The following UBFD1 variants were observed in gnomAD, a reference collection of about 807,000 sequenced individuals.
UBFD1 encodes the protein ubiquitin domain-containing protein UBFD1.
In UBFD1, 12 loss-of-function variants were observed where a neutral mutation model predicts 35.1. That is an observed-to-expected ratio of 0.34 (90% CI 0.22 to 0.55). The LOEUF is 0.55. Ranked by LOEUF, UBFD1 falls within the 20% of genes least tolerant of loss-of-function variation. The pLI, the probability that UBFD1 is intolerant of heterozygous loss-of-function variation, is 0.89. For missense variants in UBFD1, 337 were observed against 410.8 expected (o/e 0.82, Z 1.55); for synonymous variants, 178 against 167.6 (o/e 1.06, Z -0.48).
chr16:23,560,482 A>C (rs1965915433), intron 3 of UBFD1, among the ~76,000 whole-genome samples: 1 of 152,208 alleles, frequency 6.6e-6, no homozygotes, highest in South Asian at 2.1e-4. Context: ...AACTTCAATC[A>C]ACATCATTTA....
chr16:23,560,879 T>A (rs779220837), intron 3 of UBFD1, among the ~76,000 whole-genome samples: 6 of 152,240 alleles, frequency 3.9e-5, no homozygotes, highest in African/African-American at 7.2e-5. Context: ...ATTGAGTTTC[T>A]TCTCATATTC....
At chr16:23,570,264 C>T (rs1406301870) in intron 6 of UBFD1, among the ~76,000 whole-genome samples, 1 of 152,180 alleles carries the variant, frequency 6.6e-6, no homozygotes, top group Admixed American at 6.5e-5. Flanking sequence ...GATGACCACT[C>T]AGGTTTGAGA....
Position 23,573,737 on chromosome 16 carries a change from G to C in UBFD1, c.*3147G>C, listed in dbSNP as rs1431703110. 2 of 152,658 alleles carry C rather than the reference G, an allele frequency of 1.3e-5. No individual in the cohort carries two copies. The highest frequency in any genetic ancestry group is 4.8e-5 in the African/African-American group (2 of 41,450). 9.5% of individuals were successfully genotyped at this position (152,658 alleles called of 1,614,324 possible). A position where few individuals can be genotyped will look rare whatever the true frequency, so the allele number is the denominator to read the frequency against. ...AGTTGCCATATTTCACCCAGAAGGG[G>C]CTTGTTTTCCTCTTACTCTTACTTT... On this transcript the variant is annotated 3_prime_UTR_variant, in exon 7 of 7. Transcript: ENST00000395878.
At chr16:23,569,856 A>G (rs569904153) in intron 6 of UBFD1, among the ~76,000 whole-genome samples, 1 of 152,286 alleles carries the variant, frequency 6.6e-6, no homozygotes, top group South Asian at 2.1e-4. Context: ...GTATTGTTCT[A>G]CAACTTGCTT....
chr16:23,564,994 G>C (rs904298937), intron 5 of UBFD1: 1 of 152,188 alleles, frequency 6.6e-6, no homozygotes, highest in Non-Finnish European at 1.5e-5. Flanking sequence ...GACTACTCAT[G>C]TTTTCTAGGG....
At chr16:23,560,466 T>A (rs899997585) in intron 3 of UBFD1, among the ~76,000 whole-genome samples, 37 of 152,196 alleles carry the variant, frequency 2.4e-4, no homozygotes, top group African/African-American at 8.9e-4. Flanking sequence ...TGAAGTAGAG[T>A]AGATAAACTT....
chr16:23,562,674 G>A lies in UBFD1; in HGVS notation c.680G>A (p.Gly227Glu). 1.2e-6 allele frequency: 2 copies of A among 1,614,154 alleles called. No homozygotes were observed. Among genetic ancestry groups the A allele is most frequent in the African/African-American group, 1.3e-5 (1 of 75,038 alleles). The change falls in exon 5 of 7, where the codon GGA becomes GAA. Residue 227 changes from glycine (G) to glutamate (E), a missense_variant. This residue lies in a region of UBFD1 where 71 missense variants were observed against 149.6 expected (regional missense o/e 0.47). Transcript: ENST00000395878. ...TCCGGCATGTACAATAAATCTGGAG[G>A]AAAAGTGAGACTCACCTTTAAACTA... ...PLSGMYNKSGGKVRLTFKLEQ... is the reference protein window; with the variant it reads ...PLSGMYNKSGEKVRLTFKLEQ...
chr16:23,563,539 C>A (rs1965969000), intron 5 of UBFD1, among the ~76,000 whole-genome samples: 1 of 152,208 alleles, frequency 6.6e-6, no homozygotes, highest in African/African-American at 2.4e-5. Context: ...CATCTTTAAA[C>A]TTGGTCTGTT....
chr16:23,564,794 T>A (rs945923649), intron 5 of UBFD1: 8 of 152,200 alleles, frequency 5.3e-5, no homozygotes, highest in Non-Finnish European at 1.2e-4. Flanking sequence ...AGGGAACACA[T>A]CATAACTGCA....
At chr16:23,567,770 G>C (rs532979806) in intron 6 of UBFD1, among the ~76,000 whole-genome samples, 2 of 152,388 alleles carry the variant, frequency 1.3e-5, no homozygotes, top group Admixed American at 6.5e-5. Flanking sequence ...CCCATCAGGG[G>C]CCTGGCCTGA....
chr16:23,572,741 T>C lies in UBFD1; in HGVS notation c.*2151T>C, dbSNP rs1441912841. The C allele has an allele frequency of 6.5e-6, 1 of 153,562 alleles. No individual in the cohort carries two copies. The highest frequency in any genetic ancestry group is 2.4e-5 in the African/African-American group (1 of 41,474). 9.5% of individuals were successfully genotyped at this position (153,562 alleles called of 1,614,324 possible). ...GAGGACCAAAGCCTGCGTGAGCCTTTTTATTTTCAGTAAAATGGTGCTTTT... is the reference window on the plus strand; with the variant it reads ...GAGGACCAAAGCCTGCGTGAGCCTTCTTATTTTCAGTAAAATGGTGCTTTT... On this transcript the variant is annotated 3_prime_UTR_variant, in exon 7 of 7. Transcript: ENST00000395878.
Position 23,557,984 on chromosome 16 carries a change from G to A in UBFD1, c.60G>A (p.Glu20=). ...AACCTGGCATGGACACGGAGGCCGA[G>A]ACTGTGGCTACTGAGGCTCCCGCGC... The part of the protein sequence containing the change: ...MEEPGMDTEA[E]TVATEAPARP... Residue 20 remains glutamate, a synonymous_variant, in exon 2 of 7, where the codon GAG becomes GAA. Coordinates refer to ENST00000395878, the MANE Select transcript of UBFD1 (RefSeq NM_019116.3). 6 of 1,373,006 alleles carry A rather than the reference G, an allele frequency of 4.4e-6. No homozygotes were observed. The highest frequency in any genetic ancestry group is 4.7e-6 in the Non-Finnish European group (5 of 1,066,448). 85.1% of individuals were successfully genotyped at this position (1,373,006 alleles called of 1,614,324 possible).
intron 1 of UBFD1, 29 bp from the exon 2 acceptor site, chr16:23,557,921 C>T (rs1965841230): frequency 2.3e-6 from 3 of 1,298,468 alleles, no homozygotes; most frequent in African/African-American, 1.5e-5. Flanking sequence ...CAGCCCGCGG[C>T]GAGCGCCCAC....
intron 6 of UBFD1, chr16:23,568,817 C>CT (rs1230717936): frequency 6.6e-6 from 1 of 151,782 alleles, no homozygotes; most frequent in Non-Finnish European, 1.5e-5. Context: ...GACAGAGACT[C>CT]TGTCTCAAAA....
chr16:23,563,735 C>T (rs1597040932), intron 5 of UBFD1, among the ~76,000 whole-genome samples: 1 of 152,224 alleles, frequency 6.6e-6, no homozygotes, highest in African/African-American at 2.4e-5. Context: ...TTGGTTCCAG[C>T]TTCTGGCCCG....
In UBFD1 at chr16:23,557,750, C is replaced by G. The variant is rs1378818501; in HGVS notation, c.8C>G (p.Ala3Gly). The G allele has an allele frequency of 7.6e-7, 1 of 1,309,114 alleles. No homozygotes were observed. Among genetic ancestry groups the G allele is most frequent in the Non-Finnish European group, 9.7e-7 (1 of 1,028,266 alleles). 81.1% of individuals were successfully genotyped at this position (1,309,114 alleles called of 1,614,324 possible). ...GTGTTGTACACAATCATCATGGCGG[C>G]GGCCGGGGCCCCGGATGGTGAGTGC... MA[A>G]AGAPDGMEEP... is the part of the protein sequence containing the mutation. The change falls in exon 1 of 7, where the codon GCG (alanine) becomes GGG (glycine). Residue 3 changes from alanine to glycine, a missense_variant. This residue lies in a region of UBFD1 where 198 missense variants were observed against 168.4 expected (regional missense o/e 1.18). Transcript: ENST00000395878.
rs1269998661 is a variant in UBFD1 at position 23,559,502 on chromosome 16, G to A, written c.390G>A (p.Lys130=). 3 of 1,613,886 alleles carry A rather than the reference G, an allele frequency of 1.9e-6. No homozygotes were observed. Residue 130 remains lysine (K), a synonymous_variant, in exon 3 of 7, where the codon AAG becomes AAA. Coordinates refer to ENST00000395878, the MANE Select transcript of UBFD1 (RefSeq NM_019116.3). ...LPPAMQKVMY[K]GLVPEDKTLR... ...CTGCCATGCAGAAAGTCATGTATAA[G>A]GGACTCGTCCCCGAGGATAAAACAT...
At position 23,557,932 on chromosome 16, in the gene UBFD1, C is replaced by T; in HGVS notation, c.26-18C>T. On this transcript the variant is annotated intron_variant, in intron 1 of 6. Coordinates refer to ENST00000395878, the MANE Select transcript of UBFD1 (RefSeq NM_019116.3). ...AGCCCAGCCCGCGGCGAGCGCCCAC[C>T]CCCTAACCCCCTTGCAGGCATGGAG... is the stretch of plus-strand genomic sequence containing the variant. The T allele has an allele frequency of 4.5e-6, 6 of 1,319,276 alleles. No homozygotes were observed. The highest frequency in any genetic ancestry group is 5.8e-6 in the Non-Finnish European group (6 of 1,033,884). The allele number at this position is 1,319,276 out of a possible 1,614,324, so 81.7% of individuals were successfully genotyped here.
In UBFD1 at chr16:23,572,039, A is replaced by C. The variant is rs9938166; in HGVS notation, c.*1449A>C. ...TTTGGATTCTAGGCTGTCACCCCTC[A>C]TTCTGTGAAACGTATTAGCATGTGT... is the stretch of plus-strand genomic sequence containing the variant. On this transcript the variant is annotated 3_prime_UTR_variant, in exon 7 of 7. Coordinates refer to ENST00000395878, the MANE Select transcript of UBFD1 (RefSeq NM_019116.3). 0.082 allele frequency: 12,475 copies of C among 152,652 alleles called. 903 individuals carry two copies. Among genetic ancestry groups the C allele is most frequent in the African/African-American group, 0.19 (7,896 of 41,496 alleles). 9.5% of individuals were successfully genotyped at this position (152,652 alleles called of 1,614,324 possible). A position where few individuals can be genotyped will look rare whatever the true frequency, so the allele number is the denominator to read the frequency against.
Sources: gnomAD v4.1 joint callset for allele counts (sites outside exome capture counted in the v4.1 genomes callset) on GRCh38, gnomAD v4.1.1 for gene constraint, gnomAD v4.1.1 regional missense constraint, MANE v1.5 for transcripts, NCBI Gene and HGNC (gene_info 2026-07-23, HGNC 2026-07-21) for gene names.